The following SPDYE21 variants were observed in gnomAD, a reference collection of about 807,000 sequenced individuals.
SPDYE21 encodes speedy protein E21.
Under a neutral mutation model 36.2 loss-of-function variants are expected in SPDYE21, and 14 were observed. The observed-to-expected ratio is 0.39, with a 90% CI of 0.26 to 0.61. The LOEUF (loss-of-function observed/expected upper bound fraction) is 0.61. Ranked by LOEUF, SPDYE21 falls within the 20% of genes least tolerant of loss-of-function variation. SPDYE21 has a pLI of 0.55. For synonymous variants in SPDYE21, 58 were observed against 155.1 expected (o/e 0.37, Z 4.65); for missense variants, 233 against 424.6 (o/e 0.55, Z 3.97).
intron 6 of SPDYE21, 60 bp from the exon 7 acceptor site, chr7:67,285,984 C>T (rs1802723501): frequency 6.2e-6 from 10 of 1,611,660 alleles, no homozygotes; most frequent in Non-Finnish European, 7.6e-6. Flanking sequence ...GGGAAGCTGA[C>T]CTCAGCCGGA....
Position 67,288,717 on chromosome 7 carries a change from T to C in SPDYE21, c.*1245T>C, listed in dbSNP as rs1802786314. The stretch of plus-strand genomic sequence containing the variant: ...ATTACACGTGCTGCTGAAGGGAGCA[T>C]GTTTTTATCTATGATACTTAGTTAA... On this transcript the variant is annotated 3_prime_UTR_variant, in exon 9 of 9. Coordinates refer to ENST00000424157, the MANE Select transcript of SPDYE21 (RefSeq NM_001382715.2). Among the ~76,000 whole-genome samples, 1 of 141,702 alleles carries C rather than the reference T, an allele frequency of 7.1e-6. No individual in the cohort carries two copies. Among genetic ancestry groups the C allele is most frequent in the South Asian group, 2.3e-4 (1 of 4,394 alleles). 93.0% of individuals were successfully genotyped at this position (141,702 alleles called of 152,430 possible).
At chr7:67,280,466 C>T in intron 3 of SPDYE21, among the ~76,000 whole-genome samples, 1 of 151,866 alleles carries the variant, frequency 6.6e-6, no homozygotes, top group Non-Finnish European at 1.5e-5. Context: ...CTTTGGGAGG[C>T]TGAGATGGGT....
intron 3 of SPDYE21, among the ~76,000 whole-genome samples, 169 bp downstream of exon 3, chr7:67,280,205 G>A (rs1332190852): frequency 1.3e-5 from 2 of 152,202 alleles, no homozygotes; most frequent in Non-Finnish European, 2.9e-5. Flanking sequence ...GACGATAGAG[G>A]ACTAGGCTAG....
At chr7:67,285,008 C>T (rs1802706184) in intron 6 of SPDYE21, among the ~76,000 whole-genome samples, 1 of 151,920 alleles carries the variant, frequency 6.6e-6, no homozygotes, top group African/African-American at 2.4e-5. Context: ...GTCCCGCACA[C>T]ATGTGGCTCT....
In SPDYE21 at chr7:67,288,656, T is replaced by G. The variant is rs1384178878; in HGVS notation, c.*1184T>G. 1.3e-5 allele frequency among the ~76,000 whole-genome samples: 2 copies of G among 148,154 alleles called. No homozygotes were observed. Among genetic ancestry groups the G allele is most frequent in the Non-Finnish European group, 1.5e-5 (1 of 66,664 alleles). On this transcript the variant is annotated 3_prime_UTR_variant, in exon 9 of 9. Transcript: ENST00000424157. ...CCTTTTTAAGAGAGGATTCTTTTCA[T>G]CCTAAATCTTTTACCTTTCAATCTT...
At position 67,279,702 on chromosome 7, in the gene SPDYE21, G is replaced by C. The variant is rs1376589017; in HGVS notation, c.161-116G>C. ...AGGAGAAAATCAGACAGATGGCTTA[G>C]AGAAGCCAGCAGTCTGCGAGGCTGG... On this transcript the variant is annotated intron_variant, in intron 2 of 8. Transcript: ENST00000424157. 5 of 1,592,740 alleles carry C rather than the reference G, an allele frequency of 3.1e-6. No individual in the cohort carries two copies. In the Admixed American group the frequency reaches 5.0e-5, roughly 16 times the overall value.
intron 5 of SPDYE21, among the ~76,000 whole-genome samples, chr7:67,283,635 T>G (rs1584748627): frequency 1.3e-5 from 2 of 152,046 alleles, no homozygotes; most frequent in African/African-American, 4.8e-5. Context: ...CAAAAGACCC[T>G]CCTGACACCA....
At chr7:67,286,918 C>T (rs1053162105) in intron 8 of SPDYE21, among the ~76,000 whole-genome samples, 1 of 152,184 alleles carries the variant, frequency 6.6e-6, no homozygotes, top group African/African-American at 2.4e-5. Flanking sequence ...GCACTCCAGT[C>T]TGGGCGACAG....
chr7:67,285,419 C>T (rs893366285), intron 6 of SPDYE21, among the ~76,000 whole-genome samples: 4 of 151,744 alleles, frequency 2.6e-5, no homozygotes, highest in Non-Finnish European at 4.4e-5. Flanking sequence ...GAGACAGAGT[C>T]TTGCTCTGCC....
chr7:67,280,906 A>G (rs1157896236), intron 3 of SPDYE21, among the ~76,000 whole-genome samples: 2 of 143,594 alleles, frequency 1.4e-5, no homozygotes, highest in South Asian at 2.3e-4. Context: ...ACATGGTGAA[A>G]CCCTGTCTCT....
At position 67,281,122 on chromosome 7, in the gene SPDYE21, A is replaced by AAAG. The variant is rs1554402443; in HGVS notation, c.380-251_380-249dup. On this transcript the variant is annotated intron_variant, in intron 3 of 8. Transcript: ENST00000424157. ...AACAAAAAAAAAAAAAAAAAAAAAA[A>AAAG]AAGGGACTCAGAGAGCCAGGGACCA... 1.1e-3 allele frequency among the ~76,000 whole-genome samples: 136 copies of AAAG among 122,158 alleles called. No homozygotes were observed. In the South Asian group the frequency reaches 0.016, roughly 15 times the overall value. The allele number at this position is 122,158 out of a possible 152,430, so 80.1% of individuals were successfully genotyped here. A position where few individuals can be genotyped will look rare whatever the true frequency, so the allele number is the denominator to read the frequency against.
intron 4 of SPDYE21, 55 bp from the exon 5 acceptor site, chr7:67,282,580 C>T: frequency 6.3e-7 from 1 of 1,595,954 alleles, no homozygotes; most frequent in Non-Finnish European, 8.5e-7. Context: ...TGCCCTGCTG[C>T]TCCCACGGAA....
At chr7:67,280,099 T>C in intron 3 of SPDYE21, 63 bp downstream of exon 3, 3 of 1,534,594 alleles carry the variant, frequency 2.0e-6, no homozygotes, top group Non-Finnish European at 2.6e-6. Flanking sequence ...AAACTTCCAA[T>C]AACCACACTT....
chr7:67,282,539 G>A, intron 4 of SPDYE21, 96 bp from the exon 5 acceptor site: 2 of 1,571,252 alleles, frequency 1.3e-6, no homozygotes, highest in Non-Finnish European at 8.6e-7. Context: ...CCACAATCCT[G>A]AGACTTCCCC....
intron 7 of SPDYE21, among the ~76,000 whole-genome samples, 42 bp downstream of exon 7, chr7:67,286,479 G>C (rs909878918): frequency 1.3e-5 from 2 of 151,808 alleles, no homozygotes; most frequent in African/African-American, 2.4e-5. Context: ...GGGAGGAATC[G>C]GGTGGGCTGG....
Position 67,286,269 on chromosome 7 carries a change from C to T in SPDYE21, c.981C>T (p.Tyr327=). The T allele has an allele frequency of 1.3e-6, 2 of 1,593,180 alleles. No individual in the cohort carries two copies. Among genetic ancestry groups the T allele is most frequent in the Non-Finnish European group, 1.7e-6 (2 of 1,164,292 alleles). ...CCATGAACCCGAGGGCCAGGAAGTA[C>T]CGCTCTCGCATACCCTTGGTCCGTA... ...GRSMNPRARK[Y]RSRIPLVRKR... is the part of the protein sequence containing the mutation. The change falls in exon 7 of 9, where the codon TAC becomes TAT. Residue 327 remains tyrosine (Y), a synonymous_variant. Transcript: ENST00000424157.
intron 3 of SPDYE21, among the ~76,000 whole-genome samples, chr7:67,280,685 C>A (rs1375070741): frequency 1.7e-3 from 107 of 63,292 alleles, no homozygotes; most frequent in Middle Eastern, 0.017. Flanking sequence ...GAGTGAGAAG[C>A]TGTCTCAAAA....
chr7:67,282,017 C>T (rs1481450216), intron 4 of SPDYE21, among the ~76,000 whole-genome samples: 1 of 152,000 alleles, frequency 6.6e-6, no homozygotes, highest in African/African-American at 2.4e-5. Flanking sequence ...CATGTAATCC[C>T]AGCTACTCGG....
Position 67,286,077 on chromosome 7 carries a change from G to A in SPDYE21, c.789G>A (p.Glu263=). Residue 263 remains glutamate (E), a synonymous_variant, in exon 7 of 9, where the codon GAG becomes GAA. Coordinates refer to ENST00000424157, the MANE Select transcript of SPDYE21 (RefSeq NM_001382715.2). ...YLANDMEEDD[E]DSKQNIFHFL... is the part of the protein sequence containing the mutation. Reference sequence around the variant, plus strand: ...CCAATGACATGGAGGAGGACGACGAGGACTCCAAACAAAACATCTTCCACT... The same window carrying A: ...CCAATGACATGGAGGAGGACGACGAAGACTCCAAACAAAACATCTTCCACT... 2 of 1,613,628 alleles carry A rather than the reference G, an allele frequency of 1.2e-6. No homozygotes were observed. Among genetic ancestry groups the A allele is most frequent in the Admixed American group, 3.3e-5 (2 of 60,018 alleles).
Sources: allele counts gnomAD v4.1 joint callset (sites outside exome capture counted in the v4.1 genomes callset), GRCh38; gene constraint gnomAD v4.1.1; transcripts MANE v1.5; gene names NCBI Gene and HGNC (gene_info 2026-07-23, HGNC 2026-07-21).